Variants in ABCG4 observed in about 807,000 individuals in gnomAD.
ABCG4 encodes ATP-binding cassette sub-family G member 4.
A neutral mutation model predicts 64.6 loss-of-function variants in ABCG4; 35 were observed. The observed-to-expected ratio is 0.54, with a 90% CI of 0.41 to 0.72. ABCG4 has a LOEUF of 0.72. Among genes scored for constraint, ABCG4 ranks in the 30% least tolerant of loss-of-function variants. The pLI is 0.00. For synonymous variants in ABCG4, 326 were observed against 348.2 expected (o/e 0.94, Z 0.71); for missense variants, 610 against 846.3 (o/e 0.72, Z 3.46).
chr11:119,156,825 G>T lies in ABCG4; in HGVS notation c.926-47G>T. On this transcript the variant is annotated intron_variant, in intron 8 of 14. Coordinates refer to ENST00000619701, the MANE Select transcript of ABCG4 (RefSeq NM_022169.5). The surrounding 1 kb of genome is among the most constrained non-coding windows in gnomAD (Gnocchi z 5.5). Reference sequence around the variant, plus strand: ...CCAAGGCGGGACTGACTTGCCCTTGGGAAGTGAGTGTGAATCTAAACTGAG... The same window carrying T: ...CCAAGGCGGGACTGACTTGCCCTTGTGAAGTGAGTGTGAATCTAAACTGAG... 1.9e-6 allele frequency: 3 copies of T among 1,592,374 alleles called. No individual in the cohort carries two copies. Among genetic ancestry groups the T allele is most frequent in the Non-Finnish European group, 2.6e-6 (3 of 1,166,532 alleles).
chr11:119,161,288 G>T lies in ABCG4; in HGVS notation c.*182G>T. 1 of 596,428 alleles carries T rather than the reference G, an allele frequency of 1.7e-6. No homozygotes were observed. The highest frequency in any genetic ancestry group is 2.0e-5 in the South Asian group (1 of 49,116). The allele number at this position is 596,428 out of a possible 1,614,324, so 36.9% of individuals were successfully genotyped here. ...CCCAGCCTGGGCTCTGGGAGTGGGG[G>T]CTCCAGCCCTCCCCACTATGCCCAG... is the stretch of plus-strand genomic sequence containing the variant. On this transcript the variant is annotated 3_prime_UTR_variant, in exon 15 of 15. Transcript: ENST00000619701.
chr11:119,154,926 C>T lies in ABCG4; in HGVS notation c.686+11C>T. On this transcript the variant is annotated intron_variant, in intron 6 of 14. Transcript: ENST00000619701. The surrounding 1 kb of genome is among the most constrained non-coding windows in gnomAD (Gnocchi z 7.0). ...TGATGAGCCCACCAGGTAGTTCTCT[C>T]CACCCTTTCCCACCAGGATACCCCT... The T allele has an allele frequency of 6.3e-7, 1 of 1,597,350 alleles. No individual in the cohort carries two copies. Among genetic ancestry groups the T allele is most frequent in the East Asian group, 2.2e-5 (1 of 44,464 alleles).
At position 119,156,570 on chromosome 11, in the gene ABCG4, A is replaced by G. The variant is rs774666899; in HGVS notation, c.817A>G (p.Ile273Val). The change falls in exon 8 of 15, where the codon ATC becomes GTC. Residue 273 changes from isoleucine to valine, a missense_variant. Ile to Val is a conservative substitution (Grantham distance 29). Transcript: ENST00000619701. The surrounding 1 kb of genome is among the most constrained non-coding windows in gnomAD (Gnocchi z 5.5). ...KLFEMFDKLY[I>V]LSQGQCIFKG... ...CCTTCTCTTTCTGCTGCAGCTCTAC[A>G]TCCTGAGCCAGGGTCAGTGCATCTT... 1.9e-6 allele frequency: 3 copies of G among 1,614,034 alleles called. No individual in the cohort carries two copies. In the South Asian group the frequency reaches 3.3e-5, roughly 18 times the overall value.
At chr11:119,153,916 A>T in intron 2 of ABCG4, 110 bp from the exon 3 acceptor site, 1 of 912,408 alleles carries the variant, frequency 1.1e-6, no homozygotes, top group Non-Finnish European at 1.8e-6. Flanking sequence ...ACCCAATCAC[A>T]CTGAGTAGGG....
intron 2 of ABCG4, chr11:119,152,938 G>A (rs908213230): frequency 6.6e-6 from 1 of 151,886 alleles, no homozygotes; most frequent in African/African-American, 2.4e-5. Context: ...TTTCTTCATA[G>A]ATTTTTTTTG....
At chr11:119,152,119 G>A (rs981268616) in intron 2 of ABCG4, among the ~76,000 whole-genome samples, 1 of 152,232 alleles carries the variant, frequency 6.6e-6, no homozygotes, top group African/African-American at 2.4e-5. Flanking sequence ...GGCTCTGAAA[G>A]GCATATGCTG....
In ABCG4 at chr11:119,149,760, C is replaced by A; in HGVS notation, c.-12-194C>A. The A allele has an allele frequency of 2.3e-6, 2 of 865,260 alleles. No homozygotes were observed. Among genetic ancestry groups the A allele is most frequent in the Non-Finnish European group, 3.4e-6 (2 of 581,976 alleles). The allele number at this position is 865,260 out of a possible 1,614,324, so 53.6% of individuals were successfully genotyped here. On this transcript the variant is annotated intron_variant, in intron 1 of 14. Coordinates refer to ENST00000619701, the MANE Select transcript of ABCG4 (RefSeq NM_022169.5). This position sits in a 1 kb window ranked among gnomAD's most constrained non-coding sequence, Gnocchi z 8.3. ...TTCAAGGGGACGGGCTGGGGTCAGG[C>A]TGGAGCTGGGCTGCCCGGGACTGAG... is the stretch of plus-strand genomic sequence containing the variant.
Position 119,154,647 on chromosome 11 carries a change from A to G in ABCG4, c.540+72A>G, listed in dbSNP as rs2135121593. On this transcript the variant is annotated intron_variant, in intron 5 of 14. Transcript: ENST00000619701. This position sits in a 1 kb window ranked among gnomAD's most constrained non-coding sequence, Gnocchi z 7.0. ...GCTGAGCTCAAGGCCCCGAGCTGGG[A>G]GTGGGAGAGTGGTGGCCTAGGCCGA... 1 of 1,599,954 alleles carries G rather than the reference A, an allele frequency of 6.3e-7. No homozygotes were observed. The highest frequency in any genetic ancestry group is 8.5e-7 in the Non-Finnish European group (1 of 1,173,402).
At position 119,154,336 on chromosome 11, in the gene ABCG4, T is replaced by C; in HGVS notation, c.433T>C (p.Tyr145His). ...ELRTFRKMSC[Y>H]IMQDDMLLPH... ...GAGGACCTTCCGCAAGATGTCCTGC[T>C]ACATCATGCAAGATGACATGCTGCT... is the stretch of plus-strand genomic sequence containing the variant. The change falls in exon 4 of 15, where the codon TAC (tyrosine) becomes CAC (histidine). Residue 145 changes from tyrosine (Y) to histidine (H), a missense_variant. By Grantham distance (83) the Tyr-to-His change is moderately conservative. Transcript: ENST00000619701. The surrounding 1 kb of genome is among the most constrained non-coding windows in gnomAD (Gnocchi z 7.0). The C allele has an allele frequency of 6.2e-7, 1 of 1,614,204 alleles. No homozygotes were observed. Among genetic ancestry groups the C allele is most frequent in the Non-Finnish European group, 8.5e-7 (1 of 1,180,032 alleles).
rs1451790253 is a variant in ABCG4 at position 119,156,780 on chromosome 11, C to T, written c.926-92C>T. ...CTCCTAGGGGTAGAGATCTCACCGTCGCCTGCCTTCCCCACACACCCAAGG... is the reference window on the plus strand; with the variant it reads ...CTCCTAGGGGTAGAGATCTCACCGTTGCCTGCCTTCCCCACACACCCAAGG... On this transcript the variant is annotated intron_variant, in intron 8 of 14. Coordinates refer to ENST00000619701, the MANE Select transcript of ABCG4 (RefSeq NM_022169.5). This position sits in a 1 kb window ranked among gnomAD's most constrained non-coding sequence, Gnocchi z 5.5. 5 of 1,584,974 alleles carry T rather than the reference C, an allele frequency of 3.2e-6. No homozygotes were observed. The highest frequency in any genetic ancestry group is 2.2e-5 in the East Asian group (1 of 44,534).
In ABCG4 at chr11:119,162,160, AG is replaced by A. The variant is rs1948363587; in HGVS notation, c.*1056del. 1 of 152,858 alleles carries A rather than the reference AG, an allele frequency of 6.5e-6. No homozygotes were observed. The highest frequency in any genetic ancestry group is 1.5e-5 in the Non-Finnish European group (1 of 68,230). The allele number at this position is 152,858 out of a possible 1,614,324, so 9.5% of individuals were successfully genotyped here. A position where few individuals can be genotyped will look rare whatever the true frequency, so the allele number is the denominator to read the frequency against. On this transcript the variant is annotated 3_prime_UTR_variant, in exon 15 of 15. Transcript: ENST00000619701. ...TGCCCAGGGTGTCTACAGGAACTGCAGGTGTCTACCCCCAAGTCTTCCCTCC... is the reference window on the plus strand; with the variant it reads ...TGCCCAGGGTGTCTACAGGAACTGCAGTGTCTACCCCCAAGTCTTCCCTCC...
Position 119,160,542 on chromosome 11 carries a change from C to A in ABCG4, c.1601C>A (p.Ala534Asp). ...GCCCCCTCCCTTCCCCTCTAGGTGG[C>A]CACTTTTGTGGGCCCAGTTACCGCC... Reference protein sequence around the residue: ...IGAASNSLQVATFVGPVTAIP... With the variant: ...IGAASNSLQVDTFVGPVTAIP... The change falls in exon 14 of 15, where the codon GCC (alanine) becomes GAC (aspartate). Residue 534 changes from alanine (A) to aspartate (D), a missense_variant. Transcript: ENST00000619701. The surrounding 1 kb of genome is among the most constrained non-coding windows in gnomAD (Gnocchi z 4.6). 2 of 1,610,580 alleles carry A rather than the reference C, an allele frequency of 1.2e-6. No homozygotes were observed. Among genetic ancestry groups the A allele is most frequent in the Non-Finnish European group, 1.7e-6 (2 of 1,179,856 alleles).
rs1948333893 is a variant in ABCG4, at chr11:119,160,481, A to G, written c.1597-57A>G. 1 of 1,608,032 alleles carries G rather than the reference A, an allele frequency of 6.2e-7. No homozygotes were observed. The highest frequency in any genetic ancestry group is 1.3e-5 in the African/African-American group (1 of 74,746). On this transcript the variant is annotated intron_variant, in intron 13 of 14. Transcript: ENST00000619701. The surrounding 1 kb of genome is among the most constrained non-coding windows in gnomAD (Gnocchi z 4.6). ...AAGGGTTAGGGTGGAGCTCTAGGAA[A>G]CCTGGGTTTGTCCTGGTCACCCCTA...
At position 119,158,668 on chromosome 11, in the gene ABCG4, CTCT is replaced by C. The variant is rs759112150; in HGVS notation, c.1286_1288del (p.Phe429del). ...CAAGGTCTTCAACAACACCGGCTGCCTCTTCTTCTCCATGCTGTTCCTCATGTT... is the reference window on the plus strand; with the variant it reads ...CAAGGTCTTCAACAACACCGGCTGCCTCTTCTCCATGCTGTTCCTCATGTT... On this transcript the variant is annotated inframe_deletion, in exon 11 of 15. Transcript: ENST00000619701. The surrounding 1 kb of genome is among the most constrained non-coding windows in gnomAD (Gnocchi z 4.5). The C allele has an allele frequency of 5.0e-6, 8 of 1,614,048 alleles. No individual in the cohort carries two copies. The highest frequency in any genetic ancestry group is 6.8e-6 in the Non-Finnish European group (8 of 1,180,040).
rs1428619949 is a variant in ABCG4 at position 119,158,722 on chromosome 11, A to T, written c.1333A>T (p.Thr445Ser). The T allele has an allele frequency of 6.2e-7, 1 of 1,613,978 alleles. No individual in the cohort carries two copies. ...MFAALMPTVL[T>S]FPLEMAVFMR... ...CGCCGCCCTCATGCCAACTGTGCTC[A>T]CCTGTGAGCTGAGCTGCCCTGGGCA... The change falls in exon 11 of 15, where the codon ACC (threonine) becomes TCC (serine). Residue 445 changes from threonine (T) to serine (S), a missense_variant. Transcript: ENST00000619701. The surrounding 1 kb of genome is among the most constrained non-coding windows in gnomAD (Gnocchi z 4.5).
Position 119,154,597 on chromosome 11 carries a change from T to C in ABCG4, c.540+22T>C. On this transcript the variant is annotated intron_variant, in intron 5 of 14. Coordinates refer to ENST00000619701, the MANE Select transcript of ABCG4 (RefSeq NM_022169.5). This position sits in a 1 kb window ranked among gnomAD's most constrained non-coding sequence, Gnocchi z 7.0. ...GCTGGTGAGTGGGGAAGGGAGGCAGTGGGACCACTCCCTTTTGTGGTGCTG... is the reference window on the plus strand; with the variant it reads ...GCTGGTGAGTGGGGAAGGGAGGCAGCGGGACCACTCCCTTTTGTGGTGCTG... 1 of 1,611,322 alleles carries C rather than the reference T, an allele frequency of 6.2e-7. No homozygotes were observed. The highest frequency in any genetic ancestry group is 8.5e-7 in the Non-Finnish European group (1 of 1,179,100).
intron 2 of ABCG4, among the ~76,000 whole-genome samples, chr11:119,151,331 C>A (rs1381087495): frequency 6.6e-6 from 1 of 152,236 alleles, no homozygotes; most frequent in Non-Finnish European, 1.5e-5. Context: ...TATCCCTCAC[C>A]TGGCCCTTCC....
At position 119,160,575 on chromosome 11, in the gene ABCG4, T is replaced by C; in HGVS notation, c.1634T>C (p.Val545Ala). 2.5e-6 allele frequency: 4 copies of C among 1,612,556 alleles called. No homozygotes were observed. Among genetic ancestry groups the C allele is most frequent in the Non-Finnish European group, 2.5e-6 (3 of 1,179,946 alleles). The change falls in exon 14 of 15, where the codon GTC (valine) becomes GCC (alanine). Residue 545 changes from valine (V) to alanine (A), a missense_variant. By Grantham distance (64) the Val-to-Ala change is moderately conservative. Transcript: ENST00000619701. This position sits in a 1 kb window ranked among gnomAD's most constrained non-coding sequence, Gnocchi z 4.6. The part of the protein sequence containing the change: ...TFVGPVTAIP[V>A]LLFSGFFVSF... ...GTGGGCCCAGTTACCGCCATCCCTG[T>C]CCTCTTGTTCTCCGGCTTCTTTGTC...
chr11:119,150,509 G>A lies in ABCG4; in HGVS notation c.238+306G>A, dbSNP rs188315670. ...ATGAGTTTTCCTTCTTTTGTTTATG[G>A]AGGATTCCTACCTGTGAGGGCTGGT... On this transcript the variant is annotated intron_variant, in intron 2 of 14. Transcript: ENST00000619701. The surrounding 1 kb of genome is among the most constrained non-coding windows in gnomAD (Gnocchi z 4.3). Among the ~76,000 whole-genome samples the A allele has an allele frequency of 6.6e-6, 1 of 152,254 alleles. No individual in the cohort carries two copies. The highest frequency in any genetic ancestry group is 1.9e-4 in the East Asian group (1 of 5,182).
Sources: gnomAD v4.1 joint callset for allele counts (sites outside exome capture counted in the v4.1 genomes callset) on GRCh38, gnomAD v4.1.1 for gene constraint, Gnocchi (gnomAD v3.1) non-coding constraint, MANE v1.5 for transcripts, NCBI Gene and HGNC (gene_info 2026-07-23, HGNC 2026-07-21) for gene names.